PPP3CC: variants seen among roughly 807,000 people sequenced by gnomAD.
PPP3CC encodes the protein protein phosphatase 3 catalytic subunit gamma.
In PPP3CC, 35 loss-of-function variants were observed where a neutral mutation model predicts 60.3. That is an observed-to-expected ratio of 0.58 (90% confidence interval 0.44 to 0.77). PPP3CC has a LOEUF of 0.77. PPP3CC is among the 30% of genes least tolerant of loss of function. The pLI is 0.00. For missense variants in PPP3CC, 570 were observed against 628.9 expected (o/e 0.91, Z 1.00); for synonymous variants, 206 against 224.3 (o/e 0.92, Z 0.73).
chr8:22,532,140 T>C, intron 10 of PPP3CC, 85 bp from the exon 11 acceptor site: 1 of 911,998 alleles, frequency 1.1e-6, no homozygotes, highest in Admixed American at 2.7e-5. Context: ...ATTGTTTCTT[T>C]AACTTAAGAC....
intron 1 of PPP3CC, among the ~76,000 whole-genome samples, chr8:22,469,507 A>G (rs1216871996): frequency 6.6e-6 from 1 of 152,146 alleles, no homozygotes; most frequent in Non-Finnish European, 1.5e-5. Context: ...TACTATGCAT[A>G]ATATACATGT....
rs749970504 is a variant in PPP3CC, at chr8:22,522,752, A to AAAGGT, written c.943+7_943+8insTAAGG. The AAAGGT allele has an allele frequency of 2.6e-6, 4 of 1,546,064 alleles. No individual in the cohort carries two copies. Among genetic ancestry groups the AAAGGT allele is most frequent in the Non-Finnish European group, 3.6e-6 (4 of 1,119,134 alleles). On this transcript the variant is annotated splice_donor_region_variant and intron_variant, in intron 8 of 13. Transcript: ENST00000240139. ...CCTAGATGTCTATAACAATAAAGGT[A>AAAGGT]AAGGAATCCAGCAATATTTGAGTTT...
intron 2 of PPP3CC, among the ~76,000 whole-genome samples, 174 bp downstream of exon 2, chr8:22,475,325 G>A (rs1182604608): frequency 6.6e-6 from 1 of 152,164 alleles, no homozygotes; most frequent in Non-Finnish European, 1.5e-5. Flanking sequence ...AATTTTAAGT[G>A]TCTCATATTT....
chr8:22,490,915 T>C (rs1286878172), intron 3 of PPP3CC, among the ~76,000 whole-genome samples: 1 of 152,192 alleles, frequency 6.6e-6, no homozygotes, highest in Admixed American at 6.5e-5. Flanking sequence ...AATAAACATA[T>C]GTGTGCATGT....
chr8:22,465,117 T>G (rs1035650584), intron 1 of PPP3CC, among the ~76,000 whole-genome samples: 1 of 151,746 alleles, frequency 6.6e-6, no homozygotes, highest in Admixed American at 6.6e-5. Flanking sequence ...GACACCACAT[T>G]CGGCTAATTT....
chr8:22,490,523 T>G (rs963693209), intron 3 of PPP3CC, among the ~76,000 whole-genome samples: 7 of 152,156 alleles, frequency 4.6e-5, no homozygotes, highest in African/African-American at 1.7e-4. Flanking sequence ...TACATATGTA[T>G]ACATGTGCCA....
At chr8:22,514,502 G>C (rs1050530583) in intron 6 of PPP3CC, among the ~76,000 whole-genome samples, 15 of 151,414 alleles carry the variant, frequency 9.9e-5, no homozygotes, top group African/African-American at 2.9e-4. Flanking sequence ...AAATTTTTGT[G>C]GGTACATAGT....
intron 8 of PPP3CC, among the ~76,000 whole-genome samples, chr8:22,526,754 C>T (rs935169003): frequency 5.9e-5 from 9 of 152,102 alleles, no homozygotes; most frequent in Non-Finnish European, 1.0e-4. Context: ...AGTATGTGTG[C>T]GACTATCTGA....
At chr8:22,537,040 C>G (rs945018076) in intron 12 of PPP3CC, among the ~76,000 whole-genome samples, 2 of 152,148 alleles carry the variant, frequency 1.3e-5, no homozygotes, top group Admixed American at 1.3e-4. Context: ...GGACAAGATT[C>G]ACAAAGACCA....
chr8:22,534,766 A>G (rs1839807943), intron 12 of PPP3CC, among the ~76,000 whole-genome samples: 1 of 152,266 alleles, frequency 6.6e-6, no homozygotes, highest in African/African-American at 2.4e-5. Context: ...TATTTATACA[A>G]TGGAATAATA....
intron 1 of PPP3CC, among the ~76,000 whole-genome samples, chr8:22,463,820 CTT>C (rs1837434781): frequency 6.7e-6 from 1 of 148,394 alleles, no homozygotes; most frequent in Non-Finnish European, 1.5e-5. Context: ...AAGTTTCTCT[CTT>C]GTTTCCCAGG....
intron 4 of PPP3CC, among the ~76,000 whole-genome samples, chr8:22,505,058 G>A (rs1451729485): frequency 4.1e-5 from 5 of 122,708 alleles, no homozygotes; most frequent in African/African-American, 1.3e-4. Context: ...AGGGAGTCTC[G>A]CTTCGTCACC....
chr8:22,494,147 C>A (rs1434982550), intron 3 of PPP3CC, among the ~76,000 whole-genome samples: 1 of 152,046 alleles, frequency 6.6e-6, no homozygotes, highest in Non-Finnish European at 1.5e-5. Flanking sequence ...TGTATTAGTT[C>A]TTTTTCATGC....
intron 12 of PPP3CC, among the ~76,000 whole-genome samples, chr8:22,538,015 A>G (rs550635678): frequency 6.6e-6 from 1 of 152,346 alleles, no homozygotes; most frequent in African/African-American, 2.4e-5. Context: ...TATTAAAACC[A>G]TTGACTTGTA....
chr8:22,455,845 T>G (rs890865609), intron 1 of PPP3CC, among the ~76,000 whole-genome samples: 3 of 152,128 alleles, frequency 2.0e-5, no homozygotes, highest in Non-Finnish European at 4.4e-5. Context: ...GGAGGGCCAG[T>G]TTTTAGCTAA....
intron 8 of PPP3CC, among the ~76,000 whole-genome samples, chr8:22,525,695 C>T (rs1022367695): frequency 6.6e-6 from 1 of 151,706 alleles, no homozygotes; most frequent in Admixed American, 6.6e-5. Context: ...CTAGCTGGGA[C>T]CACAGGTGCA....
rs140921466 is a variant in PPP3CC, at chr8:22,526,598, T to C, written c.944-794T>C. On this transcript the variant is annotated intron_variant, in intron 8 of 13. Coordinates refer to ENST00000240139, the MANE Select transcript of PPP3CC (RefSeq NM_005605.5). ...GGAATGAGGACGTGACCTATATCTGTCATTTCTGGAGAACTGTTACACCCT... is the reference window on the plus strand; with the variant it reads ...GGAATGAGGACGTGACCTATATCTGCCATTTCTGGAGAACTGTTACACCCT... Among the ~76,000 whole-genome samples the C allele has an allele frequency of 8.2e-3, 1,251 of 152,326 alleles. 22 individuals carry two copies. The highest frequency in any genetic ancestry group is 0.029 in the African/African-American group (1,192 of 41,574).
chr8:22,452,038 G>T (rs10110254), intron 1 of PPP3CC, among the ~76,000 whole-genome samples: 80,887 of 148,214 alleles, frequency 0.55, 22,833 homozygotes, highest in African/African-American at 0.69. Flanking sequence ...TTTTTTAACA[G>T]TTTTAGAGAT....
chr8:22,469,892 T>C (rs978814341), intron 1 of PPP3CC, among the ~76,000 whole-genome samples: 4 of 151,922 alleles, frequency 2.6e-5, no homozygotes, highest in African/African-American at 9.7e-5. Context: ...TTTGGGGTAA[T>C]TTGTTACATG....
Sources: gnomAD v4.1 joint callset for allele counts (sites outside exome capture counted in the v4.1 genomes callset) on GRCh38, gnomAD v4.1.1 for gene constraint, MANE v1.5 for transcripts, NCBI Gene and HGNC (gene_info 2026-07-23, HGNC 2026-07-21) for gene names.